Variants in SLC26A7 observed in about 807,000 individuals in gnomAD.
SLC26A7 encodes the protein anion exchange transporter.
A neutral mutation model predicts 82.5 loss-of-function variants in SLC26A7; 59 were observed. The observed-to-expected ratio is 0.72, with a 90% CI of 0.58 to 0.89. The LOEUF (loss-of-function observed/expected upper bound fraction) is 0.89, where lower values mean the gene tolerates loss of function less well. Among genes scored for constraint, SLC26A7 ranks in the 40% least tolerant of loss-of-function variants. SLC26A7 has a pLI of 0.00. For missense variants in SLC26A7, 820 were observed against 793.0 expected, an observed-to-expected ratio of 1.03 and a Z score of -0.41; for synonymous variants, 271 against 274.3, an observed-to-expected ratio of 0.99 and a Z score of 0.12.
intron 11 of SLC26A7, among the ~76,000 whole-genome samples, chr8:91,358,914 A>T (rs1321840203): frequency 6.6e-6 from 1 of 151,748 alleles, no homozygotes; most frequent in Non-Finnish European, 1.5e-5. Flanking sequence ...CGGAACATCA[A>T]CACCAGGGCC....
chr8:91,253,365 A>G (rs1295986530), intron 2 of SLC26A7, among the ~76,000 whole-genome samples: 2 of 152,026 alleles, frequency 1.3e-5, no homozygotes, highest in Non-Finnish European at 2.9e-5. Context: ...TTTTGTTTCT[A>G]TCCCCTCTCA....
Position 91,395,369 on chromosome 8 carries a change from ATT to A in SLC26A7, c.*275_*276del. On this transcript the variant is annotated 3_prime_UTR_variant, in exon 19 of 19. Transcript: ENST00000276609. Reference sequence around the variant, plus strand: ...TGAAGGGTAAACATGGTTTTATTTTATTTTACCATATTATTTTGTGTTGTTTT... The same window carrying A: ...TGAAGGGTAAACATGGTTTTATTTTATTACCATATTATTTTGTGTTGTTTT... 2 of 573,372 alleles carry A rather than the reference ATT, an allele frequency of 3.5e-6. No homozygotes were observed. Among genetic ancestry groups the A allele is most frequent in the East Asian group, 9.2e-5 (2 of 21,798 alleles). 35.5% of individuals were successfully genotyped at this position (573,372 alleles called of 1,614,324 possible).
At chr8:91,288,922 G>A (rs913447636) in intron 2 of SLC26A7, among the ~76,000 whole-genome samples, 12 of 152,068 alleles carry the variant, frequency 7.9e-5, no homozygotes, top group Non-Finnish European at 1.6e-4. Context: ...AAAGGAAAAA[G>A]CATTAGTCCA....
intron 13 of SLC26A7, 132 bp from the exon 14 acceptor site, chr8:91,366,448 C>A: frequency 1.0e-6 from 1 of 956,046 alleles, no homozygotes; most frequent in Non-Finnish European, 1.6e-6. Context: ...ACATTAAGGC[C>A]TCTAAATACA....
chr8:91,280,651 A>G (rs1811546438), intron 2 of SLC26A7, among the ~76,000 whole-genome samples: 2 of 152,118 alleles, frequency 1.3e-5, no homozygotes, highest in African/African-American at 4.8e-5. Flanking sequence ...ATTCTTGGCC[A>G]TGGCTTCCTT....
At chr8:91,383,189 A>C (rs896137679) in intron 15 of SLC26A7, among the ~76,000 whole-genome samples, 3 of 152,198 alleles carry the variant, frequency 2.0e-5, no homozygotes, top group Non-Finnish European at 2.9e-5. Context: ...AAGGACTCAG[A>C]AGAGATTTCA....
At position 91,332,641 on chromosome 8, in the gene SLC26A7, C is replaced by T. The variant is rs529926483; in HGVS notation, c.643-1654C>T. ...CTCCTGGGCTTAAGGGATTCCCCAC[C>T]GCCAGCAGTCTCTTGAGTAGCTAGG... On this transcript the variant is annotated intron_variant, in intron 5 of 18. Coordinates refer to ENST00000276609, the MANE Select transcript of SLC26A7 (RefSeq NM_052832.4). Among the ~76,000 whole-genome samples the T allele has an allele frequency of 8.4e-4, 127 of 151,126 alleles. 3 individuals are homozygous for T. The highest frequency in any genetic ancestry group is 2.7e-3 in the African/African-American group (111 of 41,262).
chr8:91,216,652 A>G (rs781116563), intron 1 of SLC26A7, among the ~76,000 whole-genome samples: 4 of 152,110 alleles, frequency 2.6e-5, no homozygotes, highest in Non-Finnish European at 5.9e-5. Context: ...AAAGGAAAAG[A>G]CCATATTTAG....
intron 3 of SLC26A7, among the ~76,000 whole-genome samples, chr8:91,291,981 C>T: frequency 6.6e-6 from 1 of 152,028 alleles, no homozygotes; most frequent in Admixed American, 6.6e-5. Context: ...AGTTTTTTAT[C>T]CCAGTATTTA....
intron 5 of SLC26A7, among the ~76,000 whole-genome samples, chr8:91,327,378 T>A (rs1462677307): frequency 6.6e-6 from 1 of 152,204 alleles, no homozygotes; most frequent in East Asian, 1.9e-4. Context: ...GAATAGATTA[T>A]TAATAAATTT....
At chr8:91,247,171 A>C (rs1389665427), upstream of SLC26A7, among the ~76,000 whole-genome samples, 2 of 152,226 alleles carry the variant, frequency 1.3e-5, no homozygotes, top group Admixed American at 1.3e-4. Flanking sequence ...AATCAAAATG[A>C]GATTTTACAA....
At chr8:91,211,145 T>C (rs1216732072) in intron 1 of SLC26A7, among the ~76,000 whole-genome samples, 1 of 152,116 alleles carries the variant, frequency 6.6e-6, no homozygotes. Flanking sequence ...TATGTGTAGA[T>C]ACATTGATAG....
chr8:91,333,672 G>A (rs1813158677), intron 5 of SLC26A7, among the ~76,000 whole-genome samples: 1 of 152,040 alleles, frequency 6.6e-6, no homozygotes, highest in African/African-American at 2.4e-5. Context: ...GTTTTACTTA[G>A]CAATTCCTAC....
chr8:91,336,165 G>C (rs1244904398), intron 6 of SLC26A7, among the ~76,000 whole-genome samples: 2 of 152,140 alleles, frequency 1.3e-5, no homozygotes, highest in Non-Finnish European at 2.9e-5. Context: ...GAAGGGTACA[G>C]GTTTGAGTTG....
chr8:91,213,950 T>A (rs1809986625), intron 1 of SLC26A7, among the ~76,000 whole-genome samples: 1 of 152,138 alleles, frequency 6.6e-6, no homozygotes, highest in African/African-American at 2.4e-5. Context: ...AGTAAGGGGT[T>A]TGAACTTGAT....
intron 13 of SLC26A7, among the ~76,000 whole-genome samples, chr8:91,364,900 ATCTC>A (rs1814148738): frequency 1.3e-5 from 2 of 152,302 alleles, no homozygotes; most frequent in Admixed American, 6.5e-5. Flanking sequence ...ATAATATTAC[ATCTC>A]TCTAATTATT....
intron 4 of SLC26A7, among the ~76,000 whole-genome samples, chr8:91,301,022 A>G (rs545967693): frequency 7.2e-5 from 11 of 152,316 alleles, no homozygotes; most frequent in African/African-American, 2.6e-4. Context: ...TTCTCTCAAA[A>G]CTATCATTTA....
chr8:91,242,193 TA>T (rs1810484027), intron 2 of SLC26A7, among the ~76,000 whole-genome samples: 1 of 152,214 alleles, frequency 6.6e-6, no homozygotes, highest in Non-Finnish European at 1.5e-5. Flanking sequence ...CAATATCTTT[TA>T]ATAGAAGTAC....
At chr8:91,302,170 T>C (rs555354918) in intron 4 of SLC26A7, among the ~76,000 whole-genome samples, 11 of 152,242 alleles carry the variant, frequency 7.2e-5, no homozygotes, top group African/African-American at 2.4e-4. Context: ...AAAAAATATA[T>C]AGCCTTGATT....
Sources: allele counts gnomAD v4.1 joint callset (sites outside exome capture counted in the v4.1 genomes callset), GRCh38; gene constraint gnomAD v4.1.1; transcripts MANE v1.5; gene names NCBI Gene and HGNC (gene_info 2026-07-23, HGNC 2026-07-21).